Variants in CLASP1 observed in about 807,000 individuals in gnomAD.
The protein encoded by CLASP1 is CLIP-associating protein 1.
A neutral mutation model predicts 192.3 loss-of-function variants in CLASP1; 38 were observed. The ratio of observed to expected loss-of-function variants is 0.20; its 90% CI spans 0.15 to 0.26. The LOEUF is 0.26. CLASP1 is among the 10% of genes least tolerant of loss of function. The pLI is 1.00. For missense variants in CLASP1, 1,433 were observed against 1,932.5 expected, an observed-to-expected ratio of 0.74 and a Z score of 4.85; for synonymous variants, 691 against 712.8, an observed-to-expected ratio of 0.97 and a Z score of 0.49.
intron 32 of CLASP1, among the ~76,000 whole-genome samples, chr2:121,383,295 C>T (rs747360561): frequency 2.1e-4 from 32 of 152,348 alleles, no homozygotes; most frequent in South Asian, 1.0e-3. Flanking sequence ...CTCCCCTGAG[C>T]ACAGGTATGG....
exon 34 of CLASP1, chr2:121,377,603 T>C (rs1252972977): frequency 3.1e-6 from 5 of 1,593,282 alleles, no homozygotes; most frequent in Non-Finnish European, 4.3e-6. Context: ...CGTAGAGAAC[T>C]ATAGATTTCT....
At chr2:121,637,389 G>A (rs970639370) in intron 1 of CLASP1, among the ~76,000 whole-genome samples, 1 of 151,744 alleles carries the variant, frequency 6.6e-6, no homozygotes, top group East Asian at 1.9e-4. Flanking sequence ...ATGGTACTAG[G>A]ACAACTGGCT....
intron 1 of CLASP1, among the ~76,000 whole-genome samples, chr2:121,626,280 A>G (rs2106167868): frequency 6.6e-6 from 1 of 152,274 alleles, no homozygotes. Context: ...TGAGGATTTA[A>G]AAAAACAAGA....
chr2:121,611,396 TGGA>T (rs1320265481), intron 1 of CLASP1, among the ~76,000 whole-genome samples: 2 of 96,482 alleles, frequency 2.1e-5, no homozygotes, highest in Admixed American at 1.1e-4. Flanking sequence ...AAAGAGGAAC[TGGA>T]GGAGGAGGAG....
At chr2:121,532,540 C>A (rs1465967630) in intron 2 of CLASP1, 2 of 152,168 alleles carry the variant, frequency 1.3e-5, no homozygotes, top group African/African-American at 4.8e-5. Context: ...TCAGTCTAAA[C>A]ATGAGGAAAA....
chr2:121,549,845 A>G (rs975087367), intron 2 of CLASP1, among the ~76,000 whole-genome samples: 1 of 151,928 alleles, frequency 6.6e-6, no homozygotes, highest in African/African-American at 2.4e-5. Flanking sequence ...CTCTATTAAA[A>G]ATGCAAAAAA....
chr2:121,633,822 CA>C (rs1468222764), intron 1 of CLASP1, among the ~76,000 whole-genome samples: 1 of 151,900 alleles, frequency 6.6e-6, no homozygotes, highest in East Asian at 1.9e-4. Flanking sequence ...CTGGCTAACA[CA>C]GTGAAACCCC....
rs1243401093 is a variant in CLASP1 at position 121,363,098 on chromosome 2, T to C, written c.4206+74A>G. On this transcript the variant is annotated intron_variant, in intron 37 of 39. Transcript: ENST00000263710. ...CTCTTAAGCTGTGCACTGATTCTGA[T>C]TCCTCTATCTCCATGTCCAAACTGC... 3.8e-6 allele frequency: 6 copies of C among 1,577,860 alleles called. No homozygotes were observed. In the African/African-American group the frequency reaches 8.1e-5, roughly 21 times the overall value.
At chr2:121,523,388 C>T (rs753411768) in intron 6 of CLASP1, among the ~76,000 whole-genome samples, 2 of 152,162 alleles carry the variant, frequency 1.3e-5, no homozygotes, top group Non-Finnish European at 2.9e-5. Flanking sequence ...CAAGTTAACC[C>T]TAGATCTAAA....
intron 19 of CLASP1, among the ~76,000 whole-genome samples, chr2:121,440,886 A>G (rs1190572916): frequency 2.0e-5 from 3 of 152,134 alleles, no homozygotes; most frequent in Non-Finnish European, 4.4e-5. Flanking sequence ...TGAATAAGAT[A>G]AGCATCAACA....
At chr2:121,417,995 C>T (rs1034191977) in intron 23 of CLASP1, among the ~76,000 whole-genome samples, 1 of 152,206 alleles carries the variant, frequency 6.6e-6, no homozygotes, top group African/African-American at 2.4e-5. Flanking sequence ...CAGCACTTAA[C>T]ATGGCCAGCA....
intron 22 of CLASP1, among the ~76,000 whole-genome samples, chr2:121,419,370 G>A (rs1258617904): frequency 6.6e-6 from 1 of 152,024 alleles, no homozygotes; most frequent in Non-Finnish European, 1.5e-5. Flanking sequence ...ATAAAAAGTG[G>A]GGACTGTTAT....
intron 2 of CLASP1, among the ~76,000 whole-genome samples, chr2:121,597,919 G>C (rs545474375): frequency 1.3e-5 from 2 of 152,232 alleles, no homozygotes; most frequent in Non-Finnish European, 2.9e-5. Context: ...CTCCAAGACA[G>C]GTCATTCTTA....
At chr2:121,472,313 T>C (rs765490913) in intron 8 of CLASP1, among the ~76,000 whole-genome samples, 15 of 152,208 alleles carry the variant, frequency 9.9e-5, no homozygotes, top group Non-Finnish European at 2.1e-4. Flanking sequence ...GTGGATGACT[T>C]AACCTCTTGC....
At chr2:121,545,084 G>T (rs1575842834) in intron 2 of CLASP1, among the ~76,000 whole-genome samples, 1 of 151,824 alleles carries the variant, frequency 6.6e-6, no homozygotes, top group Admixed American at 6.6e-5. Context: ...GCTAATTTTT[G>T]TATTTTTAGT....
At chr2:121,340,138 T>G (rs1048128071) in exon 40 of CLASP1, 10 of 152,246 alleles carry the variant, frequency 6.6e-5, no homozygotes, top group African/African-American at 2.4e-4. Flanking sequence ...AGATTTAAAC[T>G]TGAAGAATTC....
intron 8 of CLASP1, among the ~76,000 whole-genome samples, chr2:121,482,147 A>G (rs140111350): frequency 6.6e-6 from 1 of 152,268 alleles, no homozygotes; most frequent in East Asian, 1.9e-4. Context: ...CTGGGCTACC[A>G]TGCTCAGTGA....
At chr2:121,508,052 A>T (rs200439269) in intron 7 of CLASP1, among the ~76,000 whole-genome samples, 3 of 136,302 alleles carry the variant, frequency 2.2e-5, no homozygotes, top group African/African-American at 5.3e-5. Flanking sequence ...ATGAAGAAAT[A>T]AAAAAAAAAG....
chr2:121,574,534 C>T (rs1391582103), intron 2 of CLASP1, among the ~76,000 whole-genome samples: 1 of 148,322 alleles, frequency 6.7e-6, no homozygotes, highest in Admixed American at 6.9e-5. Flanking sequence ...ACTTGGGAGG[C>T]TGAGGCAGGA....
Sources: allele counts gnomAD v4.1 joint callset (sites outside exome capture counted in the v4.1 genomes callset), GRCh38; gene constraint gnomAD v4.1.1; transcripts MANE v1.5; gene names NCBI Gene and HGNC (gene_info 2026-07-23, HGNC 2026-07-21).